LPAR1: variants seen among roughly 807,000 people sequenced by gnomAD.
LPAR1 encodes LPA receptor 1.
Under a neutral mutation model 23.8 loss-of-function variants are expected in LPAR1, and 5 were observed. That is an observed-to-expected ratio of 0.21 (90% CI 0.11 to 0.44). LPAR1 has a LOEUF of 0.44. Among genes scored for constraint, LPAR1 ranks in the 20% least tolerant of loss-of-function variants. The pLI, the probability that LPAR1 is intolerant of heterozygous loss-of-function variation, is 0.99. For missense variants in LPAR1, 311 were observed against 482.8 expected (o/e 0.64, Z 3.33); for synonymous variants, 160 against 164.7 (o/e 0.97, Z 0.22).
intron 2 of LPAR1, among the ~76,000 whole-genome samples, chr9:111,024,409 T>TTA (rs1056361011): frequency 6.8e-6 from 1 of 147,670 alleles, no homozygotes; most frequent in African/African-American, 2.5e-5. Context: ...ACACACATAT[T>TTA]TATATATATA....
chr9:110,952,211 C>CA (rs1356428901), intron 4 of LPAR1, among the ~76,000 whole-genome samples: 6 of 152,172 alleles, frequency 3.9e-5, no homozygotes, highest in Admixed American at 2.6e-4. Flanking sequence ...AAGCCTGGAA[C>CA]AGCTCTTCGA....
chr9:111,038,662 GC>G (rs2097946730), upstream of LPAR1: 4 of 454,198 alleles, frequency 8.8e-6, no homozygotes, highest in African/African-American at 2.0e-5. The surrounding 1 kb of genome is among the most constrained non-coding windows in gnomAD (Gnocchi z 4.4). Context: ...CTGGTGTGGC[GC>G]CCCCAGCGCC....
chr9:110,917,183 C>A (rs907765020), intron 5 of LPAR1, among the ~76,000 whole-genome samples: 130 of 122,594 alleles, frequency 1.1e-3, no homozygotes, highest in South Asian at 1.3e-3. Context: ...ACTAAAAATA[C>A]AAAAAAAAAA....
chr9:110,902,885 C>T (rs1440364806), intron 5 of LPAR1, among the ~76,000 whole-genome samples: 1 of 152,186 alleles, frequency 6.6e-6, no homozygotes, highest in Non-Finnish European at 1.5e-5. Flanking sequence ...TCCACCCCTT[C>T]AGGTAGCACC....
intron 5 of LPAR1, among the ~76,000 whole-genome samples, chr9:110,927,470 G>A (rs1332169766): frequency 6.6e-6 from 1 of 151,984 alleles, no homozygotes. Flanking sequence ...AATGAGTTCT[G>A]AAAACTAGTA....
chr9:110,913,665 C>T lies in LPAR1; in HGVS notation c.793+27756G>A, dbSNP rs1479080105. ...TATGCCCACAAACAAAAAGCACATT[C>T]TGAATGGAACAAACCAAGTGAAGTG... On this transcript the variant is annotated intron_variant, in intron 5 of 5. Coordinates refer to ENST00000683809, the MANE Select transcript of LPAR1 (RefSeq NM_001351411.2). 1.2e-4 allele frequency among the ~76,000 whole-genome samples: 18 copies of T among 152,156 alleles called. No homozygotes were observed. In the South Asian group the frequency reaches 3.7e-3, roughly 32 times the overall value.
intron 5 of LPAR1, chr9:110,934,258 A>G (rs111351809): frequency 1.3e-5 from 2 of 152,284 alleles, no homozygotes; most frequent in East Asian, 1.9e-4. Context: ...AACAGGACCA[A>G]TTGGGAAGTC....
chr9:110,892,583 G>A (rs2084596516), intron 5 of LPAR1, among the ~76,000 whole-genome samples: 1 of 151,348 alleles, frequency 6.6e-6, no homozygotes, highest in South Asian at 2.1e-4. Flanking sequence ...AGAATCGCTT[G>A]ATTTTGGGAG....
chr9:110,967,123 T>C (rs2096252532), intron 4 of LPAR1, among the ~76,000 whole-genome samples: 1 of 152,212 alleles, frequency 6.6e-6, no homozygotes, highest in African/African-American at 2.4e-5. Flanking sequence ...TTTCAGTGTC[T>C]GGACCAGCAG....
intron 5 of LPAR1, among the ~76,000 whole-genome samples, chr9:110,903,874 G>A (rs1458060381): frequency 2.6e-5 from 3 of 116,000 alleles, no homozygotes; most frequent in African/African-American, 3.5e-5. Flanking sequence ...ATTTTGATAA[G>A]TGAATTGCAA....
chr9:110,979,382 G>T (rs1231408814), intron 2 of LPAR1, among the ~76,000 whole-genome samples: 1 of 151,638 alleles, frequency 6.6e-6, no homozygotes, highest in African/African-American at 2.4e-5. Flanking sequence ...TAGCCAAATA[G>T]AATTCCAGAA....
At chr9:111,025,260 T>C (rs1467754793) in intron 2 of LPAR1, among the ~76,000 whole-genome samples, 2 of 152,246 alleles carry the variant, frequency 1.3e-5, no homozygotes, top group Non-Finnish European at 2.9e-5. Context: ...TGTGAGATGG[T>C]AGCTCATTGT....
intron 2 of LPAR1, among the ~76,000 whole-genome samples, chr9:110,990,012 A>T (rs189560488): frequency 1.9e-3 from 290 of 149,514 alleles, no homozygotes; most frequent in Admixed American, 3.7e-3. Flanking sequence ...CAGGGATTTT[A>T]AAAAAAAAGG....
At position 110,974,780 on chromosome 9, in the gene LPAR1, G is replaced by C. The variant is rs73657217; in HGVS notation, c.-181-1222C>G. ...CTGTGAAAGTAAATAAACAACCCAGGAGAAAAGCATATGTATACAGGACCT... is the reference window on the plus strand; with the variant it reads ...CTGTGAAAGTAAATAAACAACCCAGCAGAAAAGCATATGTATACAGGACCT... On this transcript the variant is annotated intron_variant, in intron 2 of 5. Coordinates refer to ENST00000683809, the MANE Select transcript of LPAR1 (RefSeq NM_001351411.2). Among the ~76,000 whole-genome samples the C allele has an allele frequency of 9.0e-3, 1,365 of 152,240 alleles. 22 individuals are homozygous for C. Among genetic ancestry groups the C allele is most frequent in the African/African-American group, 0.031 (1,294 of 41,524 alleles).
In LPAR1 at chr9:110,987,927, A is replaced by C. The variant is rs961139219; in HGVS notation, c.-181-14369T>G. ...AGCATGAGCACAGGAAACAAAGAAAAATGCACAATCAAATTTACAAAACCA... is the reference window on the plus strand; with the variant it reads ...AGCATGAGCACAGGAAACAAAGAAACATGCACAATCAAATTTACAAAACCA... On this transcript the variant is annotated intron_variant, in intron 2 of 5. Transcript: ENST00000683809. 1.6e-4 allele frequency among the ~76,000 whole-genome samples: 24 copies of C among 152,108 alleles called. No homozygotes were observed. In the East Asian group the frequency reaches 4.3e-3, roughly 27 times the overall value.
intron 2 of LPAR1, among the ~76,000 whole-genome samples, chr9:110,984,800 T>C (rs1297255072): frequency 7.1e-6 from 1 of 139,918 alleles, no homozygotes; most frequent in Non-Finnish European, 1.6e-5. Context: ...TTTTAACTAA[T>C]AGGAAAAAAA....
chr9:110,894,189 G>T (rs2085490081), intron 5 of LPAR1, among the ~76,000 whole-genome samples: 1 of 152,146 alleles, frequency 6.6e-6, no homozygotes, highest in Non-Finnish European at 1.5e-5. Context: ...AGATATCTTG[G>T]AAATAAAATT....
chr9:110,936,448 T>C (rs1221293319), intron 5 of LPAR1, among the ~76,000 whole-genome samples: 2 of 152,206 alleles, frequency 1.3e-5, no homozygotes, highest in African/African-American at 2.4e-5. Flanking sequence ...TCTACAAGAA[T>C]CTGACAGCTG....
intron 5 of LPAR1, among the ~76,000 whole-genome samples, chr9:110,915,326 A>G (rs2092960570): frequency 6.6e-6 from 1 of 152,014 alleles, no homozygotes; most frequent in Non-Finnish European, 1.5e-5. Flanking sequence ...CACTGGAGGT[A>G]AAGAGTTGGA....
Sources: allele counts gnomAD v4.1 joint callset (sites outside exome capture counted in the v4.1 genomes callset), GRCh38; gene constraint gnomAD v4.1.1; non-coding constraint Gnocchi (gnomAD v3.1); transcripts MANE v1.5; gene names NCBI Gene and HGNC (gene_info 2026-07-23, HGNC 2026-07-21).